Variants in ARHGAP15 observed in about 807,000 individuals in gnomAD.
The protein encoded by ARHGAP15 is rho GTPase-activating protein 15.
ARHGAP15 carries 51 observed loss-of-function variants against 63.7 expected under a neutral mutation model. That is an observed-to-expected ratio of 0.80 (90% confidence interval 0.64 to 1.01). The LOEUF (loss-of-function observed/expected upper bound fraction) is 1.01, where lower values mean the gene tolerates loss of function less well. Among genes scored for constraint, ARHGAP15 ranks in the 50% least tolerant of loss-of-function variants. The pLI, the probability that ARHGAP15 is intolerant of heterozygous loss-of-function variation, is 0.00. For synonymous variants in ARHGAP15, 191 were observed against 193.8 expected (o/e 0.99, Z 0.12); for missense variants, 560 against 564.6 (o/e 0.99, Z 0.08).
chr2:143,342,357 A>G (rs1199625149), intron 6 of ARHGAP15, among the ~76,000 whole-genome samples: 1 of 152,076 alleles, frequency 6.6e-6, no homozygotes, highest in Non-Finnish European at 1.5e-5. Flanking sequence ...GCAGTATAAT[A>G]TTTCATAAGA....
intron 6 of ARHGAP15, among the ~76,000 whole-genome samples, chr2:143,385,879 A>G (rs1005661298): frequency 6.6e-6 from 1 of 152,182 alleles, no homozygotes; most frequent in Non-Finnish European, 1.5e-5. Flanking sequence ...GATAACCAGA[A>G]GAGACAGAAC....
chr2:143,261,605 C>T (rs1680729020), intron 6 of ARHGAP15, among the ~76,000 whole-genome samples: 1 of 151,940 alleles, frequency 6.6e-6, no homozygotes, highest in African/African-American at 2.4e-5. Context: ...GCCTTGGCCT[C>T]CCATAGTGCT....
chr2:143,504,112 C>T (rs1377467212), intron 9 of ARHGAP15, among the ~76,000 whole-genome samples: 2 of 152,086 alleles, frequency 1.3e-5, no homozygotes, highest in East Asian at 3.9e-4. Context: ...GGTACACAAT[C>T]GTAGGAAAGT....
chr2:143,533,880 G>A (rs946840836), intron 10 of ARHGAP15, among the ~76,000 whole-genome samples: 7 of 152,128 alleles, frequency 4.6e-5, no homozygotes, highest in African/African-American at 1.4e-4. Flanking sequence ...CTAAGACCTC[G>A]TTAAGTCTGC....
intron 12 of ARHGAP15, among the ~76,000 whole-genome samples, chr2:143,670,745 C>T (rs1257016119): frequency 6.6e-6 from 1 of 152,088 alleles, no homozygotes; most frequent in African/African-American, 2.4e-5. Flanking sequence ...CAGAACATGC[C>T]CTGGCCTGTT....
intron 11 of ARHGAP15, among the ~76,000 whole-genome samples, chr2:143,591,769 GCCGCCATGC>G (rs1697331717): frequency 6.6e-6 from 1 of 151,922 alleles, no homozygotes; most frequent in South Asian, 2.1e-4. Context: ...ACAGGTGCCT[GCCGCCATGC>G]CTGGCTAATT....
At chr2:143,660,546 C>T (rs1278934814) in intron 12 of ARHGAP15, among the ~76,000 whole-genome samples, 1 of 152,150 alleles carries the variant, frequency 6.6e-6, no homozygotes, top group Non-Finnish European at 1.5e-5. Context: ...CTAAAATGAA[C>T]ACTTTATGAA....
chr2:143,655,164 T>C (rs1256772989), intron 12 of ARHGAP15, among the ~76,000 whole-genome samples: 1 of 152,156 alleles, frequency 6.6e-6, no homozygotes. Context: ...GGGGTACAGG[T>C]GGTATTTGGT....
At chr2:143,761,282 T>C (rs540866748) in intron 13 of ARHGAP15, among the ~76,000 whole-genome samples, 2 of 152,366 alleles carry the variant, frequency 1.3e-5, no homozygotes, top group East Asian at 3.9e-4. Flanking sequence ...GTGGCTGAGC[T>C]ATATTTTGCA....
intron 5 of ARHGAP15, 89 bp downstream of exon 5, chr2:143,228,757 C>G: frequency 2.3e-6 from 2 of 880,952 alleles, no homozygotes; most frequent in Non-Finnish European, 3.3e-6. Context: ...CACACTAAAA[C>G]CTCCAAGCTA....
chr2:143,543,254 A>G (rs891160891), intron 10 of ARHGAP15, among the ~76,000 whole-genome samples: 3 of 152,060 alleles, frequency 2.0e-5, no homozygotes, highest in Admixed American at 1.3e-4. Context: ...AGGTAAGGTG[A>G]TATCTCATTA....
At chr2:143,228,723 TA>T (rs1693322522) in intron 5 of ARHGAP15, 55 bp downstream of exon 5, 4 of 1,354,630 alleles carry the variant, frequency 3.0e-6, no homozygotes, top group South Asian at 1.5e-5. Context: ...ATTGTAGAAT[TA>T]AAAGTTTGGT....
chr2:143,509,375 A>G (rs1014681629), intron 9 of ARHGAP15, among the ~76,000 whole-genome samples: 1 of 152,012 alleles, frequency 6.6e-6, no homozygotes, highest in Non-Finnish European at 1.5e-5. Flanking sequence ...AGAGAGGTTT[A>G]CTTCCAGTGC....
chr2:143,392,151 A>G (rs1687562512), intron 6 of ARHGAP15, among the ~76,000 whole-genome samples: 1 of 152,206 alleles, frequency 6.6e-6, no homozygotes, highest in Non-Finnish European at 1.5e-5. Context: ...TCTTGTGAGA[A>G]CACACCGGAA....
intron 3 of ARHGAP15, among the ~76,000 whole-genome samples, chr2:143,203,204 T>G (rs1692193259): frequency 6.6e-6 from 1 of 152,158 alleles, no homozygotes; most frequent in African/African-American, 2.4e-5. Flanking sequence ...TTTGCTTCAG[T>G]GTTCCTGTTT....
chr2:143,621,142 A>T (rs556945502), intron 11 of ARHGAP15, among the ~76,000 whole-genome samples: 1 of 152,174 alleles, frequency 6.6e-6, no homozygotes, highest in Non-Finnish European at 1.5e-5. Flanking sequence ...TGCTACTGGC[A>T]TCTATTAGAT....
intron 12 of ARHGAP15, among the ~76,000 whole-genome samples, chr2:143,692,391 C>CAA (rs1683648239): frequency 6.6e-6 from 1 of 152,120 alleles, no homozygotes; most frequent in Non-Finnish European, 1.5e-5. Context: ...CTAGAAGTCT[C>CAA]CGACTTTCAT....
At position 143,550,006 on chromosome 2, in the gene ARHGAP15, TTAAA is replaced by T. The variant is rs551738671; in HGVS notation, c.926-6396_926-6393del. Among the ~76,000 whole-genome samples the T allele has an allele frequency of 1.1e-4, 17 of 152,290 alleles. No individual in the cohort carries two copies. In the East Asian group the frequency reaches 2.1e-3, roughly 19 times the overall value. On this transcript the variant is annotated intron_variant, in intron 10 of 13. Coordinates refer to ENST00000295095, the MANE Select transcript of ARHGAP15 (RefSeq NM_018460.4). ...GTAATCCAATATTTGATAATCCATCTTAAATAAATTCTAGAGAAGAGAGATAATA... is the reference window on the plus strand; with the variant it reads ...GTAATCCAATATTTGATAATCCATCTTAAATTCTAGAGAAGAGAGATAATA...
chr2:143,571,601 T>A (rs1423124604), intron 11 of ARHGAP15, among the ~76,000 whole-genome samples: 1 of 152,166 alleles, frequency 6.6e-6, no homozygotes, highest in East Asian at 1.9e-4. Flanking sequence ...ATAATTCCCT[T>A]TAAATAGCAG....
Sources: gnomAD v4.1 joint callset for allele counts (sites outside exome capture counted in the v4.1 genomes callset) on GRCh38, gnomAD v4.1.1 for gene constraint, MANE v1.5 for transcripts, NCBI Gene and HGNC (gene_info 2026-07-23, HGNC 2026-07-21) for gene names.